The following SPRED1 variants were observed in gnomAD, a reference collection of about 807,000 sequenced individuals.
The protein encoded by SPRED1 is sprouty-related, EVH1 domain-containing protein 1.
In SPRED1, 18 loss-of-function variants were observed where a neutral mutation model predicts 52.3. That is an observed-to-expected ratio of 0.34 (90% confidence interval 0.24 to 0.51). The LOEUF (loss-of-function observed/expected upper bound fraction) is 0.51, where lower values mean the gene tolerates loss of function less well. SPRED1 is among the 20% of genes least tolerant of loss of function. The pLI is 0.97. For synonymous variants in SPRED1, 155 were observed against 179.7 expected (o/e 0.86, Z 1.10); for missense variants, 485 against 551.0 (o/e 0.88, Z 1.20).
intron 1 of SPRED1, among the ~76,000 whole-genome samples, chr15:38,264,498 T>C (rs12910157): frequency 0.83 from 125,571 of 152,130 alleles, 52,582 homozygotes; most frequent in Non-Finnish European, 0.9. Flanking sequence ...AGTGATGACA[T>C]GTGAGGGAAG....
chr15:38,296,296 T>G (rs1187569657), intron 1 of SPRED1, among the ~76,000 whole-genome samples: 1 of 152,146 alleles, frequency 6.6e-6, no homozygotes, highest in African/African-American at 2.4e-5. Context: ...TTAAAACTAC[T>G]AGGGCTTGTA....
At position 38,299,395 on chromosome 15, in the gene SPRED1, G is replaced by A. The variant is rs1402624428; in HGVS notation, c.55G>A (p.Ala19Thr). The A allele has an allele frequency of 3.1e-6, 5 of 1,613,932 alleles. No homozygotes were observed. The highest frequency in any genetic ancestry group is 4.2e-6 in the Non-Finnish European group (5 of 1,179,894). Reference protein sequence around the residue: ...DNDNSYARVRAVVMTRDDSSG... With the variant: ...DNDNSYARVRTVVMTRDDSSG... Reference sequence around the variant, plus strand: ...TAGTAATAGTTATGCACGAGTGCGAGCTGTGGTGATGACCCGAGATGACTC... The same window carrying A: ...TAGTAATAGTTATGCACGAGTGCGAACTGTGGTGATGACCCGAGATGACTC... The change falls in exon 2 of 7, where the codon GCT (alanine) becomes ACT (threonine). Residue 19 changes from alanine to threonine, a missense_variant. Ala to Thr is a moderately conservative substitution (Grantham distance 58, BLOSUM62 0). Around this residue, in one of 5 missense-constraint regions of SPRED1, gnomAD observed 34 missense variants for 25.8 expected, o/e 1.32. Coordinates refer to ENST00000299084, the MANE Select transcript of SPRED1 (RefSeq NM_152594.3).
intron 1 of SPRED1, among the ~76,000 whole-genome samples, chr15:38,258,061 G>A (rs1232813280): frequency 6.6e-6 from 1 of 152,202 alleles, no homozygotes; most frequent in Non-Finnish European, 1.5e-5. Context: ...CCATGTAAGA[G>A]TAGTAGTTTA....
At position 38,351,611 on chromosome 15, in the gene SPRED1, C is replaced by T. The variant is rs941091989; in HGVS notation, c.1282C>T (p.Arg428Cys). 8.1e-6 allele frequency: 13 copies of T among 1,613,924 alleles called. No individual in the cohort carries two copies. Among genetic ancestry groups the T allele is most frequent in the African/African-American group, 8.0e-5 (6 of 74,914 alleles). Reference sequence around the variant, plus strand: ...CTACGTCCCTTTGAGAATGTGCCATCGCTGTGGTGAGGCATGTGGTTGCTG... The same window carrying T: ...CTACGTCCCTTTGAGAATGTGCCATTGCTGTGGTGAGGCATGTGGTTGCTG... Reference protein sequence around the residue: ...CCYVPLRMCHRCGEACGCCGG... With the variant: ...CCYVPLRMCHCCGEACGCCGG... Residue 428 changes from arginine to cysteine, a missense_variant, in exon 7 of 7, where the codon CGC becomes TGC. Physicochemically the swap from Arg to Cys is radical, Grantham distance 180 (BLOSUM62 -3). Around this residue, in one of 5 missense-constraint regions of SPRED1, gnomAD observed 205 missense variants for 245.2 expected, o/e 0.84. Coordinates refer to ENST00000299084, the MANE Select transcript of SPRED1 (RefSeq NM_152594.3).
chr15:38,349,446 G>A lies in SPRED1; in HGVS notation c.607G>A (p.Asp203Asn), dbSNP rs139897054. ...NQITFGQPGL[D>N]IQSRSMEYVQ... ...GATAACATTTGGTCAGCCAGGCTTG[G>A]ACATTCAGAGCAGAAGTATGGAATA... is the stretch of plus-strand genomic sequence containing the variant. Residue 203 changes from aspartate to asparagine, a missense_variant, in exon 6 of 7, where the codon GAC (aspartate) becomes AAC (asparagine). Coordinates refer to ENST00000299084, the MANE Select transcript of SPRED1 (RefSeq NM_152594.3). The A allele has an allele frequency of 8.1e-6, 13 of 1,612,578 alleles. No individual in the cohort carries two copies. The highest frequency in any genetic ancestry group is 9.3e-6 in the Non-Finnish European group (11 of 1,178,958).
chr15:38,327,183 G>A (rs1387089074), intron 4 of SPRED1, among the ~76,000 whole-genome samples: 1 of 152,152 alleles, frequency 6.6e-6, no homozygotes, highest in Non-Finnish European at 1.5e-5. Flanking sequence ...CTGTTTAGAA[G>A]ACAACATCCT....
intron 4 of SPRED1, among the ~76,000 whole-genome samples, chr15:38,328,844 C>T (rs151013875): frequency 1.0e-3 from 158 of 152,036 alleles, no homozygotes; most frequent in African/African-American, 3.6e-3. Context: ...ATCAGCCTCC[C>T]GAGTAGCCAT....
chr15:38,296,246 C>T (rs981786506), intron 1 of SPRED1, among the ~76,000 whole-genome samples: 1 of 152,056 alleles, frequency 6.6e-6, no homozygotes, highest in Non-Finnish European at 1.5e-5. Context: ...ACTAAAAAAG[C>T]AGGTCACTTT....
chr15:38,263,811 TA>T (rs1367014198), intron 1 of SPRED1, among the ~76,000 whole-genome samples: 1 of 151,722 alleles, frequency 6.6e-6, no homozygotes. Flanking sequence ...GCGGATGCGC[TA>T]AAAAAAACGA....
intron 2 of SPRED1, among the ~76,000 whole-genome samples, chr15:38,316,829 A>C (rs1394418438): frequency 2.0e-5 from 3 of 148,956 alleles, no homozygotes; most frequent in African/African-American, 7.4e-5. Context: ...AAGTTCAAAA[A>C]GTTCTAGTAC....
In SPRED1 at chr15:38,351,271, G is replaced by A; in HGVS notation, c.942G>A (p.Gln314=). Residue 314 remains glutamine (Q), a synonymous_variant, in exon 7 of 7, where the codon CAG becomes CAA. Transcript: ENST00000299084. ...SPKDSVVFKT[Q]PSSLKIKKSK... is the part of the protein sequence containing the mutation. ...AAGACTCTGTGGTATTTAAGACGCA[G>A]CCTTCCTCATTAAAAATTAAGAAGT... The A allele has an allele frequency of 1.2e-6, 2 of 1,614,108 alleles. No homozygotes were observed. The highest frequency in any genetic ancestry group is 2.2e-5 in the South Asian group (2 of 91,082).
intron 4 of SPRED1, among the ~76,000 whole-genome samples, chr15:38,336,380 A>ATGTGTGTG (rs35912838): frequency 0.11 from 15,407 of 134,166 alleles, 950 homozygotes; most frequent in Middle Eastern, 0.16. Flanking sequence ...GATAAAGAAA[A>ATGTGTGTG]TGTGTGTGTG....
intron 2 of SPRED1, 122 bp from the exon 3 acceptor site, chr15:38,322,119 T>G: frequency 2.0e-6 from 2 of 982,132 alleles, no homozygotes; most frequent in Non-Finnish European, 3.1e-6. Context: ...CCACTTTATT[T>G]AAAATACTAA....
intron 1 of SPRED1, among the ~76,000 whole-genome samples, chr15:38,298,057 G>T (rs548772509): frequency 6.6e-6 from 1 of 152,044 alleles, no homozygotes; most frequent in South Asian, 2.1e-4. Flanking sequence ...AATAAAAAAT[G>T]GTCACAGACT....
chr15:38,311,144 TATC>T (rs1895358992), intron 2 of SPRED1, among the ~76,000 whole-genome samples: 1 of 152,196 alleles, frequency 6.6e-6, no homozygotes, highest in South Asian at 2.1e-4. Context: ...TGATAATTTG[TATC>T]ATGACTAGAT....
At chr15:38,312,392 T>A (rs181480990) in intron 2 of SPRED1, among the ~76,000 whole-genome samples, 2 of 152,222 alleles carry the variant, frequency 1.3e-5, no homozygotes, top group Non-Finnish European at 2.9e-5. Flanking sequence ...AAAAGCTGAG[T>A]CAGGAAGCCT....
At chr15:38,316,421 T>TA (rs1430786423) in intron 2 of SPRED1, among the ~76,000 whole-genome samples, 2 of 152,184 alleles carry the variant, frequency 1.3e-5, no homozygotes, top group East Asian at 3.9e-4. Flanking sequence ...AAGATCTTCT[T>TA]AAAATATCTG....
rs551525779 is a variant in SPRED1, at chr15:38,344,897, G to A, written c.583-4525G>A. 2.0e-5 allele frequency among the ~76,000 whole-genome samples: 3 copies of A among 151,396 alleles called. No individual in the cohort carries two copies. In the South Asian group the frequency reaches 6.2e-4, roughly 31 times the overall value. ...TAACTAGATGTTTATACATTTGCTG[G>A]TGTTATAATTGGTGAACTTCTCAAT... On this transcript the variant is annotated intron_variant, in intron 5 of 6. Coordinates refer to ENST00000299084, the MANE Select transcript of SPRED1 (RefSeq NM_152594.3).
At chr15:38,265,740 G>A (rs1283416027) in intron 1 of SPRED1, among the ~76,000 whole-genome samples, 1 of 151,788 alleles carries the variant, frequency 6.6e-6, no homozygotes, top group African/African-American at 2.4e-5. Context: ...TCGGTGTCTT[G>A]CCATCATTTT....
Sources: gnomAD v4.1 joint callset for allele counts (sites outside exome capture counted in the v4.1 genomes callset) on GRCh38, gnomAD v4.1.1 for gene constraint, gnomAD v4.1.1 regional missense constraint, MANE v1.5 for transcripts, NCBI Gene and HGNC (gene_info 2026-07-23, HGNC 2026-07-21) for gene names.